Variants in DCBLD2 observed in about 807,000 individuals in gnomAD.
DCBLD2 encodes the protein discoidin, CUB and LCCL domain containing 2, also known as discoidin, CUB and LCCL domain-containing protein 2.
DCBLD2 carries 54 observed loss-of-function variants against 86.8 expected under a neutral mutation model. The ratio of observed to expected loss-of-function variants is 0.62; its 90% CI spans 0.50 to 0.78. The LOEUF (loss-of-function observed/expected upper bound fraction) is 0.78. Among genes scored for constraint, DCBLD2 ranks in the 30% least tolerant of loss-of-function variants. DCBLD2 has a pLI of 0.00. For missense variants in DCBLD2, 908 were observed against 954.2 expected, an observed-to-expected ratio of 0.95 and a Z score of 0.64; for synonymous variants, 354 against 341.3, an observed-to-expected ratio of 1.04 and a Z score of -0.41.
In DCBLD2 at chr3:98,843,180, C is replaced by T. The variant is rs200222746; in HGVS notation, c.571+6281G>A. Among the ~76,000 whole-genome samples, 23 of 152,242 alleles carry T rather than the reference C, an allele frequency of 1.5e-4. No individual in the cohort carries two copies. In the East Asian group the frequency reaches 3.3e-3, roughly 22 times the overall value. ...AAACTGACACCAAACTACAAATATT[C>T]TTCTGCGTGTTAATTATATTATACA... On this transcript the variant is annotated intron_variant, in intron 3 of 15. Coordinates refer to ENST00000326840, the MANE Select transcript of DCBLD2 (RefSeq NM_080927.4).
In DCBLD2 at chr3:98,811,531, G is replaced by A. The variant is rs1171127265; in HGVS notation, c.1387C>T (p.Pro463Ser). Residue 463 changes from proline to serine, a missense_variant, in exon 11 of 16, where the codon CCT becomes TCT. Coordinates refer to ENST00000326840, the MANE Select transcript of DCBLD2 (RefSeq NM_080927.4). ...TCATTGCTGTTCCGAGGAGGTGGAG[G>A]TTGAGTAAGTTTTGGAGGACGACCT... ...PKGRPPKLTQ[P>S]PPPRNSNDLK... 2 of 1,588,148 alleles carry A rather than the reference G, an allele frequency of 1.3e-6. No individual in the cohort carries two copies. Among genetic ancestry groups the A allele is most frequent in the Admixed American group, 3.7e-5 (2 of 53,876 alleles).
intron 3 of DCBLD2, among the ~76,000 whole-genome samples, chr3:98,829,198 GGTTT>G (rs1942278232): frequency 6.6e-6 from 1 of 152,006 alleles, no homozygotes; most frequent in Non-Finnish European, 1.5e-5. Flanking sequence ...TACATGTGTA[GGTTT>G]GTTACATAGG....
chr3:98,857,463 C>A (rs1290100965), intron 2 of DCBLD2, among the ~76,000 whole-genome samples: 11 of 136,914 alleles, frequency 8.0e-5, no homozygotes, highest in African/African-American at 3.1e-4. Flanking sequence ...TTACAGAGAG[C>A]CGACTGGTCC....
At chr3:98,898,370 T>G (rs1943786224) in intron 1 of DCBLD2, among the ~76,000 whole-genome samples, 1 of 150,750 alleles carries the variant, frequency 6.6e-6, no homozygotes. Flanking sequence ...AAAAAGACAC[T>G]GAAGCACATT....
At chr3:98,870,801 G>GAAAGAAAGAAAGAA (rs1559794653) in intron 2 of DCBLD2, among the ~76,000 whole-genome samples, 5 of 149,666 alleles carry the variant, frequency 3.3e-5, no homozygotes, top group South Asian at 4.2e-4. Context: ...AAGAAAGAAA[G>GAAAGAAAGAAAGAA]AAAGAAAGAA....
chr3:98,847,497 C>T (rs949575575), intron 3 of DCBLD2, among the ~76,000 whole-genome samples: 14 of 152,144 alleles, frequency 9.2e-5, no homozygotes, highest in Admixed American at 6.6e-4. Context: ...CACATCTTGC[C>T]CTACTGCTTA....
chr3:98,878,378 C>T (rs756431951), intron 2 of DCBLD2, among the ~76,000 whole-genome samples: 1 of 152,086 alleles, frequency 6.6e-6, no homozygotes, highest in African/African-American at 2.4e-5. Flanking sequence ...ACACACATCC[C>T]ACGAAATCAT....
intron 1 of DCBLD2, among the ~76,000 whole-genome samples, chr3:98,899,335 T>C (rs1350154812): frequency 7.0e-6 from 1 of 143,848 alleles, no homozygotes; most frequent in Non-Finnish European, 1.5e-5. Flanking sequence ...CGCTGCAACC[T>C]CCGCCTCCCG....
intron 1 of DCBLD2, among the ~76,000 whole-genome samples, chr3:98,884,280 G>A (rs557884768): frequency 6.6e-6 from 1 of 151,738 alleles, no homozygotes; most frequent in Non-Finnish European, 1.5e-5. Flanking sequence ...TCATACACAA[G>A]AACTAGGCAT....
intron 7 of DCBLD2, 70 bp from the exon 8 acceptor site, chr3:98,819,487 A>C (rs776152746): frequency 1.3e-6 from 2 of 1,502,212 alleles, no homozygotes; most frequent in Non-Finnish European, 1.8e-6. Context: ...CTGCTCACTG[A>C]AAACTTTCTA....
At chr3:98,897,146 G>T (rs1943764481) in intron 1 of DCBLD2, among the ~76,000 whole-genome samples, 1 of 152,080 alleles carries the variant, frequency 6.6e-6, no homozygotes, top group African/African-American at 2.4e-5. Flanking sequence ...TTACATGTTT[G>T]TCTTTAAAAT....
intron 9 of DCBLD2, chr3:98,815,891 T>C (rs891547264): frequency 5.3e-5 from 8 of 151,498 alleles, no homozygotes; most frequent in African/African-American, 1.7e-4. Context: ...GAACGGAGCA[T>C]TGGTGAATGG....
chr3:98,898,004 A>C (rs1010016900), intron 1 of DCBLD2, among the ~76,000 whole-genome samples: 1 of 152,112 alleles, frequency 6.6e-6, no homozygotes, highest in Non-Finnish European at 1.5e-5. Context: ...TCACCAATTT[A>C]ATTTTTTTGA....
At position 98,799,336 on chromosome 3, in the gene DCBLD2, CT is replaced by C. The variant is rs1238595115; in HGVS notation, c.*35del. The C allele has an allele frequency of 1.9e-6, 3 of 1,545,062 alleles. No homozygotes were observed. In the Admixed American group the frequency reaches 6.1e-5, roughly 31 times the overall value. Reference sequence around the variant, plus strand: ...ATAATTAAAAAAAAAAGGCCATGTGCTTTAAAACGATGCTTTGTAAAAAGCA... The same window carrying C: ...ATAATTAAAAAAAAAAGGCCATGTGCTTAAAACGATGCTTTGTAAAAAGCA... On this transcript the variant is annotated 3_prime_UTR_variant, in exon 16 of 16. Transcript: ENST00000326840.
At chr3:98,884,459 T>A (rs1181272760) in intron 1 of DCBLD2, among the ~76,000 whole-genome samples, 1 of 150,186 alleles carries the variant, frequency 6.7e-6, no homozygotes, top group South Asian at 2.1e-4. Context: ...ACCTTGAATA[T>A]CTCTGCTGGA....
chr3:98,836,518 C>T (rs1942452599), intron 3 of DCBLD2, among the ~76,000 whole-genome samples: 1 of 151,822 alleles, frequency 6.6e-6, no homozygotes, highest in African/African-American at 2.4e-5. Flanking sequence ...CCGCAACCAT[C>T]CGATTTCTCA....
chr3:98,817,356 T>A (rs1290812010), intron 9 of DCBLD2, among the ~76,000 whole-genome samples: 7 of 152,252 alleles, frequency 4.6e-5, no homozygotes, highest in Non-Finnish European at 8.8e-5. Flanking sequence ...TATCCTATAA[T>A]TTAATGCACG....
At chr3:98,886,231 A>AT (rs554372832) in intron 1 of DCBLD2, among the ~76,000 whole-genome samples, 2 of 152,056 alleles carry the variant, frequency 1.3e-5, no homozygotes, top group Non-Finnish European at 2.9e-5. Context: ...AATGCTTTTT[A>AT]TTAGTCTACA....
At chr3:98,810,775 C>T (rs898142524) in intron 12 of DCBLD2, among the ~76,000 whole-genome samples, 2 of 152,044 alleles carry the variant, frequency 1.3e-5, no homozygotes, top group Non-Finnish European at 2.9e-5. Context: ...CTAGTTTCTA[C>T]TAAAAGTTCT....
Sources: gnomAD v4.1 joint callset for allele counts (sites outside exome capture counted in the v4.1 genomes callset) on GRCh38, gnomAD v4.1.1 for gene constraint, MANE v1.5 for transcripts, NCBI Gene and HGNC (gene_info 2026-07-23, HGNC 2026-07-21) for gene names.